ARAP2: variants seen among roughly 807,000 people sequenced by gnomAD.
ARAP2 encodes arf-GAP with Rho-GAP domain, ANK repeat and PH domain-containing protein 2.
A neutral mutation model predicts 194.5 loss-of-function variants in ARAP2; 148 were observed. That is an observed-to-expected ratio of 0.76 (90% CI 0.67 to 0.87). The LOEUF (loss-of-function observed/expected upper bound fraction) is 0.87. Among genes scored for constraint, ARAP2 ranks in the 40% least tolerant of loss-of-function variants. The pLI, the probability that ARAP2 is intolerant of heterozygous loss-of-function variation, is 0.00. For synonymous variants in ARAP2, 695 were observed against 683.5 expected (o/e 1.02, Z -0.26); for missense variants, 2,128 against 1,989.7 (o/e 1.07, Z -1.32).
intron 1 of ARAP2, among the ~76,000 whole-genome samples, chr4:36,239,065 C>T (rs1160750288): frequency 6.6e-6 from 1 of 152,034 alleles, no homozygotes; most frequent in Admixed American, 6.6e-5. Flanking sequence ...CACCTGAGGT[C>T]AGGAGTTTGA....
Position 36,121,367 on chromosome 4 carries a change from T to A in ARAP2, c.3747-41A>T, listed in dbSNP as rs28719905. ...ATAGTTTATTATGATACACTTTTAT[T>A]TGGAAATTTCATAGAACAGAAAGCC... On this transcript the variant is annotated intron_variant, in intron 22 of 32. Coordinates refer to ENST00000303965, the MANE Select transcript of ARAP2 (RefSeq NM_015230.4). The A allele has an allele frequency of 1.1e-3, 1,677 of 1,509,970 alleles. 20 individuals are homozygous for A. In the African/African-American group the frequency reaches 0.022, roughly 20 times the overall value. The allele number at this position is 1,509,970 out of a possible 1,614,324, so 93.5% of individuals were successfully genotyped here.
Position 36,228,947 on chromosome 4 carries a change from T to C in ARAP2, c.540A>G (p.Ser180=), listed in dbSNP as rs770082326. The C allele has an allele frequency of 1.2e-6, 2 of 1,614,114 alleles. No homozygotes were observed. The highest frequency in any genetic ancestry group is 1.1e-5 in the South Asian group (1 of 91,080). The change falls in exon 2 of 33, where the codon TCA becomes TCG. Residue 180 remains serine (S), a synonymous_variant. Transcript: ENST00000303965. ...GATCCACAGTCTTCTTTGTAATCAA[T>C]GATTCTATTTTAATATTGTCACTAC... The part of the protein sequence containing the change: ...LFGSDNIKIE[S]LITKKTVDHT...
chr4:36,069,534 CAA>C (rs369976616), intron 32 of ARAP2, among the ~76,000 whole-genome samples: 1 of 151,142 alleles, frequency 6.6e-6, no homozygotes, highest in Non-Finnish European at 1.5e-5. Context: ...GGTTTATAAA[CAA>C]ACTTTAATCT....
intron 16 of ARAP2, among the ~76,000 whole-genome samples, chr4:36,149,125 G>A (rs1193760407): frequency 6.6e-6 from 1 of 152,060 alleles, no homozygotes; most frequent in African/African-American, 2.4e-5. Context: ...CTAAGTATGT[G>A]TGCTATTCTT....
At chr4:36,006,851 T>C (rs1482949470) in intron 10 of ARAP2, 1 of 152,124 alleles carries the variant, frequency 6.6e-6, no homozygotes, top group Non-Finnish European at 1.5e-5. Flanking sequence ...TATAAAATTT[T>C]CATTAAAATT....
At position 36,080,221 on chromosome 4, in the gene ARAP2, C is replaced by A. The variant is rs753590212; in HGVS notation, c.4603G>T (p.Ala1535Ser). ...AGTTCAAACAAATCTCGTACCTGGG[C>A]AATAAAGATACTGGTCATCCACTCC... is the stretch of plus-strand genomic sequence containing the variant. Reference protein sequence around the residue: ...QTEWMTSIFIAQHEYDIWPPA... With the variant: ...QTEWMTSIFISQHEYDIWPPA... Residue 1535 changes from alanine to serine, a missense_variant, in exon 31 of 33, where the codon GCC becomes TCC. By Grantham distance (99) the Ala-to-Ser change is moderately conservative (BLOSUM62 1). Coordinates refer to ENST00000303965, the MANE Select transcript of ARAP2 (RefSeq NM_015230.4). The A allele has an allele frequency of 6.2e-7, 1 of 1,612,628 alleles. No homozygotes were observed. The highest frequency in any genetic ancestry group is 8.5e-7 in the Non-Finnish European group (1 of 1,178,988).
At chr4:36,199,142 T>C (rs1290013580) in intron 6 of ARAP2, among the ~76,000 whole-genome samples, 2 of 152,224 alleles carry the variant, frequency 1.3e-5, no homozygotes, top group Non-Finnish European at 2.9e-5. Context: ...CACACCTCTC[T>C]GCTGCAGCCA....
chr4:36,112,401 G>T (rs190676039), intron 26 of ARAP2, among the ~76,000 whole-genome samples: 112 of 151,984 alleles, frequency 7.4e-4, no homozygotes, highest in African/African-American at 2.7e-3. Flanking sequence ...ATTTCACTTA[G>T]ACTGTGAAGG....
At chr4:36,058,878 C>G (rs1250965930) in intron 1 of ARAP2, among the ~76,000 whole-genome samples, 2 of 152,036 alleles carry the variant, frequency 1.3e-5, no homozygotes, top group Admixed American at 6.6e-5. Context: ...AAGGGGATAG[C>G]AGAAAGATGA....
intron 27 of ARAP2, among the ~76,000 whole-genome samples, chr4:36,104,231 T>C (rs1273184553): frequency 6.6e-6 from 1 of 151,934 alleles, no homozygotes; most frequent in African/African-American, 2.4e-5. Flanking sequence ...GATTTCTACT[T>C]GGCCCCAGGT....
At chr4:36,164,209 T>C (rs542121509) in intron 11 of ARAP2, among the ~76,000 whole-genome samples, 47 of 152,312 alleles carry the variant, frequency 3.1e-4, no homozygotes, top group African/African-American at 1.1e-3. Context: ...TGTGTATGTG[T>C]GTGTGTACAT....
chr4:36,061,637 A>G (rs1215654366), downstream of ARAP2, among the ~76,000 whole-genome samples: 2 of 152,186 alleles, frequency 1.3e-5, no homozygotes. Flanking sequence ...GAGTGCTGCT[A>G]TCTCTTAGAT....
chr4:36,007,782 GT>G (rs762741116), intron 9 of ARAP2, among the ~76,000 whole-genome samples: 31 of 151,874 alleles, frequency 2.0e-4, no homozygotes, highest in Non-Finnish European at 4.3e-4. Flanking sequence ...TTTTTGTTTT[GT>G]TTTGTTTTTC....
At chr4:36,041,025 G>GTT (rs545638682) in intron 5 of ARAP2, among the ~76,000 whole-genome samples, 1 of 146,372 alleles carries the variant, frequency 6.8e-6, no homozygotes, top group Non-Finnish European at 1.5e-5. Flanking sequence ...TTTATTGAGA[G>GTT]TTTTTTTTTT....
At chr4:36,148,864 C>A (rs963290458) in intron 16 of ARAP2, among the ~76,000 whole-genome samples, 3 of 152,108 alleles carry the variant, frequency 2.0e-5, no homozygotes, top group Non-Finnish European at 2.9e-5. Flanking sequence ...GCAAACACTG[C>A]CCAAACAGTT....
chr4:36,118,698 C>T (rs1053307808), intron 24 of ARAP2, among the ~76,000 whole-genome samples: 2 of 151,328 alleles, frequency 1.3e-5, no homozygotes, highest in Admixed American at 6.6e-5. Context: ...CCTCCCCGCT[C>T]CCAAAAAAAG....
At chr4:36,038,006 G>T (rs1053776615) in intron 5 of ARAP2, among the ~76,000 whole-genome samples, 4 of 152,092 alleles carry the variant, frequency 2.6e-5, no homozygotes, top group African/African-American at 9.7e-5. Context: ...GATCCTTTTT[G>T]TGCTTTTTGT....
intron 14 of ARAP2, 146 bp downstream of exon 14, chr4:36,159,185 T>C (rs1414849194): frequency 3.7e-6 from 3 of 803,484 alleles, no homozygotes; most frequent in Non-Finnish European, 5.4e-6. Flanking sequence ...ATATAAAAAA[T>C]AGTCTTAGGC....
At position 36,160,641 on chromosome 4, in the gene ARAP2, G is replaced by T; in HGVS notation, c.2260C>A (p.Leu754Ile). ...CTTTTGTTTCCAATGACAATAAAAAGCTGAATTGTCAAAAAAAAAACCCCA... is the reference window on the plus strand; with the variant it reads ...CTTTTGTTTCCAATGACAATAAAAATCTGAATTGTCAAAAAAAAAACCCCA... ...ASIWSNELIE[L>I]FIVIGNKRAN... The change falls in exon 13 of 33, where the codon CTT (leucine) becomes ATT (isoleucine). Residue 754 changes from leucine (L) to isoleucine (I), a missense_variant and splice_region_variant. Transcript: ENST00000303965. The T allele has an allele frequency of 7.2e-7, 1 of 1,383,680 alleles. No homozygotes were observed. Among genetic ancestry groups the T allele is most frequent in the Non-Finnish European group, 9.3e-7 (1 of 1,080,598 alleles). The allele number at this position is 1,383,680 out of a possible 1,614,324, so 85.7% of individuals were successfully genotyped here.
Sources: gnomAD v4.1 joint callset for allele counts (sites outside exome capture counted in the v4.1 genomes callset) on GRCh38, gnomAD v4.1.1 for gene constraint, MANE v1.5 for transcripts, NCBI Gene and HGNC (gene_info 2026-07-23, HGNC 2026-07-21) for gene names.